R3HDM1: variants seen among roughly 807,000 people sequenced by gnomAD.
R3HDM1 encodes R3H domain containing 1, also known as R3H domain-containing protein 1.
In R3HDM1, 46 loss-of-function variants were observed where a neutral mutation model predicts 141.1. The ratio of observed to expected loss-of-function variants is 0.33; its 90% confidence interval spans 0.26 to 0.42. R3HDM1 has a LOEUF of 0.42. Among genes scored for constraint, R3HDM1 ranks in the 10% least tolerant of loss-of-function variants. The pLI is 1.00. For synonymous variants in R3HDM1, 435 were observed against 472.9 expected (o/e 0.92, Z 1.04); for missense variants, 1,184 against 1,368.3 (o/e 0.87, Z 2.12).
At chr2:135,608,945 A>G (rs1425836395) in intron 3 of R3HDM1, among the ~76,000 whole-genome samples, 1 of 152,214 alleles carries the variant, frequency 6.6e-6, no homozygotes, top group African/African-American at 2.4e-5. Flanking sequence ...CTTCCAAAAG[A>G]TGCATTCATT....
intron 21 of R3HDM1, among the ~76,000 whole-genome samples, chr2:135,691,656 G>T (rs1272469101): frequency 1.3e-5 from 2 of 151,972 alleles, no homozygotes; most frequent in East Asian, 3.9e-4. Flanking sequence ...AGCTGGATTT[G>T]GTGGTGGGCC....
At chr2:135,611,844 T>C (rs534670882) in intron 3 of R3HDM1, among the ~76,000 whole-genome samples, 1 of 152,342 alleles carries the variant, frequency 6.6e-6, no homozygotes, top group East Asian at 1.9e-4. Context: ...GTAAAGATGT[T>C]GGCTACATCT....
At chr2:135,607,531 T>C (rs1268214949) in intron 3 of R3HDM1, among the ~76,000 whole-genome samples, 1 of 152,214 alleles carries the variant, frequency 6.6e-6, no homozygotes, top group African/African-American at 2.4e-5. Context: ...ATACCTGTAA[T>C]CAGTACACTC....
intron 11 of R3HDM1, among the ~76,000 whole-genome samples, chr2:135,637,530 C>G (rs1478334930): frequency 6.6e-6 from 1 of 152,074 alleles, no homozygotes; most frequent in Non-Finnish European, 1.5e-5. Context: ...CGTCTGTAGT[C>G]CCAGCTACTC....
chr2:135,707,804 AC>A (rs2075128207), intron 21 of R3HDM1, among the ~76,000 whole-genome samples: 1 of 152,212 alleles, frequency 6.6e-6, no homozygotes, highest in South Asian at 2.1e-4. Context: ...ACACATTACA[AC>A]CATAATTAAC....
chr2:135,583,806 G>T (rs1025148631), intron 1 of R3HDM1: 1 of 985,380 alleles, frequency 1.0e-6, no homozygotes, highest in African/African-American at 1.7e-5. Flanking sequence ...GAAAAATAAA[G>T]AAGAAAGTTT....
intron 23 of R3HDM1, among the ~76,000 whole-genome samples, chr2:135,713,572 A>C (rs925661565): frequency 6.6e-6 from 1 of 152,218 alleles, no homozygotes; most frequent in African/African-American, 2.4e-5. Context: ...AACAGTCTTG[A>C]CATTCACCAG....
intron 1 of R3HDM1, among the ~76,000 whole-genome samples, chr2:135,535,968 A>G (rs1047921085): frequency 6.6e-6 from 1 of 152,124 alleles, no homozygotes; most frequent in Non-Finnish European, 1.5e-5. Context: ...CTTAGTCTCC[A>G]TACACACCTA....
intron 1 of R3HDM1, among the ~76,000 whole-genome samples, chr2:135,578,752 A>G (rs1263814429): frequency 1.3e-5 from 2 of 152,232 alleles, no homozygotes; most frequent in East Asian, 1.9e-4. Flanking sequence ...TCACAGAGGT[A>G]TCGCTTAGGA....
At chr2:135,636,790 T>TAA (rs150234601) in intron 11 of R3HDM1, among the ~76,000 whole-genome samples, 3 of 134,338 alleles carry the variant, frequency 2.2e-5, no homozygotes, top group East Asian at 4.2e-4. Context: ...TCCTCTGTGT[T>TAA]AAAAAAAAAA....
At chr2:135,628,817 G>T (rs1479495706) in intron 7 of R3HDM1, among the ~76,000 whole-genome samples, 1 of 151,838 alleles carries the variant, frequency 6.6e-6, no homozygotes, top group African/African-American at 2.4e-5. Flanking sequence ...TAGAGATGGG[G>T]GTTTCTCCGT....
chr2:135,641,480 C>T, intron 14 of R3HDM1, 56 bp from the exon 15 acceptor site: 3 of 1,508,010 alleles, frequency 2.0e-6, no homozygotes, highest in South Asian at 1.3e-5. Context: ...TTTTAAAAAC[C>T]TGTGTTTTTT....
chr2:135,531,734 A>T, intron 1 of R3HDM1, 101 bp downstream of exon 1: 7 of 985,924 alleles, frequency 7.1e-6, no homozygotes, highest in Non-Finnish European at 8.4e-6. Flanking sequence ...AGAAGGAGGC[A>T]GGCAGGGGAG....
chr2:135,706,491 G>C (rs968414602), intron 21 of R3HDM1, among the ~76,000 whole-genome samples: 13 of 152,044 alleles, frequency 8.6e-5, no homozygotes, highest in African/African-American at 3.1e-4. Flanking sequence ...AGTGAACAAA[G>C]GTCTCTGGTT....
At chr2:135,551,660 A>G (rs1452806941) in intron 1 of R3HDM1, among the ~76,000 whole-genome samples, 1 of 152,360 alleles carries the variant, frequency 6.6e-6, no homozygotes, top group Non-Finnish European at 1.5e-5. Flanking sequence ...TATAATTTAT[A>G]GTTTTGTCGT....
intron 21 of R3HDM1, among the ~76,000 whole-genome samples, chr2:135,686,564 C>T (rs1026762380): frequency 5.3e-5 from 8 of 152,054 alleles, no homozygotes; most frequent in African/African-American, 1.9e-4. Flanking sequence ...AGGGAGACCC[C>T]ATTTCTACAA....
At chr2:135,697,069 C>A (rs1232699726) in intron 21 of R3HDM1, among the ~76,000 whole-genome samples, 1 of 152,022 alleles carries the variant, frequency 6.6e-6, no homozygotes, top group Non-Finnish European at 1.5e-5. Context: ...AACAAAAAAA[C>A]AATAAAAAGA....
At chr2:135,686,267 C>G (rs961124647) in intron 21 of R3HDM1, among the ~76,000 whole-genome samples, 10 of 151,952 alleles carry the variant, frequency 6.6e-5, no homozygotes, top group African/African-American at 2.4e-4. Context: ...TACAGAAGTT[C>G]CTAAAAAAAA....
chr2:135,635,299 C>G (rs974626986), intron 9 of R3HDM1, among the ~76,000 whole-genome samples: 4 of 152,182 alleles, frequency 2.6e-5, no homozygotes, highest in African/African-American at 4.8e-5. Context: ...ACTGCACTTT[C>G]CTTGTCCCAG....
Sources: gnomAD v4.1 joint callset for allele counts (sites outside exome capture counted in the v4.1 genomes callset) on GRCh38, gnomAD v4.1.1 for gene constraint, MANE v1.5 for transcripts, NCBI Gene and HGNC (gene_info 2026-07-23, HGNC 2026-07-21) for gene names.